The following RAP1GDS1 variants were observed in gnomAD, a reference collection of about 807,000 sequenced individuals.
RAP1GDS1 encodes the protein RAP1, GTP-GDP dissociation stimulator 1.
A neutral mutation model predicts 71.1 loss-of-function variants in RAP1GDS1; 35 were observed. That is an observed-to-expected ratio of 0.49 (90% confidence interval 0.38 to 0.65). The LOEUF (loss-of-function observed/expected upper bound fraction) is 0.65, where lower values mean the gene tolerates loss of function less well. Among genes scored for constraint, RAP1GDS1 ranks in the 30% least tolerant of loss-of-function variants. RAP1GDS1 has a pLI of 0.00. For missense variants in RAP1GDS1, 663 were observed against 706.1 expected, an observed-to-expected ratio of 0.94 and a Z score of 0.69; for synonymous variants, 229 against 243.1, an observed-to-expected ratio of 0.94 and a Z score of 0.54.
At chr4:98,307,620 T>G (rs1423886271) in intron 2 of RAP1GDS1, among the ~76,000 whole-genome samples, 3 of 152,204 alleles carry the variant, frequency 2.0e-5, no homozygotes, top group African/African-American at 7.2e-5. Flanking sequence ...CTTTGTATTT[T>G]GCATTTTTGT....
chr4:98,398,316 C>A (rs1176129070), intron 6 of RAP1GDS1, among the ~76,000 whole-genome samples: 1 of 151,612 alleles, frequency 6.6e-6, no homozygotes, highest in Non-Finnish European at 1.5e-5. Context: ...GAGGAAATTG[C>A]CAAATAAGTA....
At chr4:98,367,028 G>A (rs549311249) in intron 4 of RAP1GDS1, among the ~76,000 whole-genome samples, 5 of 152,320 alleles carry the variant, frequency 3.3e-5, no homozygotes, top group African/African-American at 9.6e-5. Flanking sequence ...TGGGGAAAAC[G>A]TCTCCAGAGC....
In RAP1GDS1 at chr4:98,340,163, C is replaced by A. The variant is rs192806104; in HGVS notation, c.113-2976C>A. On this transcript the variant is annotated intron_variant, in intron 2 of 14. Coordinates refer to ENST00000408927, the MANE Select transcript of RAP1GDS1 (RefSeq NM_001100427.2). ...AAAACAGAACTACCATTCTACCCAA[C>A]AATTGTATTATTGGTCATGTACCCA... Among the ~76,000 whole-genome samples, 476 of 152,308 alleles carry A rather than the reference C, an allele frequency of 3.1e-3. 9 individuals carry two copies. The highest frequency in any genetic ancestry group is 3.7e-4 in the Non-Finnish European group (25 of 68,034).
intron 5 of RAP1GDS1, among the ~76,000 whole-genome samples, chr4:98,390,571 G>C (rs1258232054): frequency 6.6e-6 from 1 of 151,884 alleles, no homozygotes. Flanking sequence ...CAGTTTTCAG[G>C]GACACTAAGC....
intron 4 of RAP1GDS1, among the ~76,000 whole-genome samples, chr4:98,360,479 A>G (rs1269312807): frequency 6.6e-6 from 1 of 151,826 alleles, no homozygotes; most frequent in Non-Finnish European, 1.5e-5. Flanking sequence ...GTTTAAAAAC[A>G]TTTTTTGTCT....
At chr4:98,371,238 G>A (rs1740334773) in intron 4 of RAP1GDS1, among the ~76,000 whole-genome samples, 1 of 150,990 alleles carries the variant, frequency 6.6e-6, no homozygotes, top group Non-Finnish European at 1.5e-5. Context: ...TCAGCCTCCT[G>A]AGTAGCTAGG....
At chr4:98,341,083 G>T (rs1278459826) in intron 2 of RAP1GDS1, among the ~76,000 whole-genome samples, 1 of 152,026 alleles carries the variant, frequency 6.6e-6, no homozygotes, top group East Asian at 1.9e-4. Context: ...TGGTGTTTGA[G>T]TGATAAAGTA....
chr4:98,408,035 C>T lies in RAP1GDS1; in HGVS notation c.763+3433C>T, dbSNP rs182771768. 3.3e-3 allele frequency among the ~76,000 whole-genome samples: 503 copies of T among 151,616 alleles called. 3 individuals are homozygous for T. The highest frequency in any genetic ancestry group is 6.8e-3 in the Middle Eastern group (2 of 292). Reference sequence around the variant, plus strand: ...AGAATGCAAGAGGAGGAGACCTTACCGCAGGTCTTACAGCTATTAAGAGGA... The same window carrying T: ...AGAATGCAAGAGGAGGAGACCTTACTGCAGGTCTTACAGCTATTAAGAGGA... On this transcript the variant is annotated intron_variant, in intron 7 of 14. Coordinates refer to ENST00000408927, the MANE Select transcript of RAP1GDS1 (RefSeq NM_001100427.2).
At chr4:98,288,572 G>T (rs941034373) in intron 1 of RAP1GDS1, among the ~76,000 whole-genome samples, 1 of 152,132 alleles carries the variant, frequency 6.6e-6, no homozygotes, top group Admixed American at 6.5e-5. Flanking sequence ...GGGTCAAGTG[G>T]TATTTCTAGT....
rs776791878 is a variant in RAP1GDS1 at position 98,416,739 on chromosome 4, C to G, written c.764-6C>G. The G allele has an allele frequency of 6.3e-7, 1 of 1,591,198 alleles. No homozygotes were observed. Among genetic ancestry groups the G allele is most frequent in the East Asian group, 2.2e-5 (1 of 44,706 alleles). On this transcript the variant is annotated splice_region_variant and splice_polypyrimidine_tract_variant and intron_variant, in intron 7 of 14. Transcript: ENST00000408927. ...GTTTGATTATTTTGTTCACGTTGTT[C>G]TTTAGATGCTATTAAACTACAGCTG...
chr4:98,307,413 A>T (rs1286054735), intron 2 of RAP1GDS1, among the ~76,000 whole-genome samples: 1 of 152,038 alleles, frequency 6.6e-6, no homozygotes, highest in Non-Finnish European at 1.5e-5. Context: ...ATACTTTGTC[A>T]TGTTTCTGAA....
At chr4:98,410,699 C>T (rs903598349) in intron 7 of RAP1GDS1, among the ~76,000 whole-genome samples, 1 of 152,080 alleles carries the variant, frequency 6.6e-6, no homozygotes, top group African/African-American at 2.4e-5. Context: ...GTAACCATTA[C>T]TGTGGATGAA....
intron 2 of RAP1GDS1, among the ~76,000 whole-genome samples, chr4:98,308,902 A>G (rs1285199173): frequency 6.6e-6 from 1 of 152,178 alleles, no homozygotes; most frequent in East Asian, 1.9e-4. Flanking sequence ...GCTACATTCA[A>G]TAAAGCATTG....
intron 5 of RAP1GDS1, 114 bp downstream of exon 5, chr4:98,379,277 A>C: frequency 9.3e-7 from 1 of 1,074,308 alleles, no homozygotes; most frequent in South Asian, 2.4e-5. Flanking sequence ...CGTAAGTGGC[A>C]TATAAAATTA....
At chr4:98,301,487 C>T (rs1247274863) in intron 2 of RAP1GDS1, among the ~76,000 whole-genome samples, 4 of 152,114 alleles carry the variant, frequency 2.6e-5, no homozygotes, top group Non-Finnish European at 5.9e-5. Flanking sequence ...GAGATAAAAC[C>T]AACTAACAAT....
chr4:98,332,420 C>CA, intron 2 of RAP1GDS1, among the ~76,000 whole-genome samples: 1 of 151,840 alleles, frequency 6.6e-6, no homozygotes, highest in Non-Finnish European at 1.5e-5. Context: ...TTTCAGGTCA[C>CA]AAAAACAGAG....
At position 98,324,134 on chromosome 4, in the gene RAP1GDS1, A is replaced by G. The variant is rs558075767; in HGVS notation, c.113-19005A>G. Among the ~76,000 whole-genome samples, 282 of 149,070 alleles carry G rather than the reference A, an allele frequency of 1.9e-3. 1 individual carries two copies. Among genetic ancestry groups the G allele is most frequent in the Non-Finnish European group, 3.6e-3 (241 of 67,434 alleles). ...ATTCTTATACACCAACAACAGACAA[A>G]CAGAGAGCCAAATCATGAGTGAACT... On this transcript the variant is annotated intron_variant, in intron 2 of 14. Transcript: ENST00000408927.
At chr4:98,339,376 TATA>T (rs1735160284) in intron 2 of RAP1GDS1, among the ~76,000 whole-genome samples, 1 of 152,156 alleles carries the variant, frequency 6.6e-6, no homozygotes, top group Non-Finnish European at 1.5e-5. Context: ...GCCAGTTGCC[TATA>T]ATTTGTAGGC....
At chr4:98,304,441 T>C (rs1729020346) in intron 2 of RAP1GDS1, among the ~76,000 whole-genome samples, 3 of 152,216 alleles carry the variant, frequency 2.0e-5, no homozygotes, top group Admixed American at 2.0e-4. Context: ...ATTTCTCTAA[T>C]GATCAGTGAT....
Sources: gnomAD v4.1 joint callset for allele counts (sites outside exome capture counted in the v4.1 genomes callset) on GRCh38, gnomAD v4.1.1 for gene constraint, MANE v1.5 for transcripts, NCBI Gene and HGNC (gene_info 2026-07-23, HGNC 2026-07-21) for gene names.